The following EIF3A variants were observed in gnomAD, a reference collection of about 807,000 sequenced individuals.
EIF3A encodes EIF3, p180 subunit.
EIF3A carries 21 observed loss-of-function variants against 186.6 expected under a neutral mutation model. The ratio of observed to expected loss-of-function variants is 0.11; its 90% CI spans 0.08 to 0.16. EIF3A has a LOEUF of 0.16. EIF3A is among the 10% of genes least tolerant of loss of function. The probability of loss-of-function intolerance (pLI) is 1.00; values close to 1 mark genes in which losing one functional copy is unlikely to be tolerated. For missense variants in EIF3A, 1,306 were observed against 1,796.3 expected, an observed-to-expected ratio of 0.73 and a Z score of 4.93; for synonymous variants, 563 against 584.3, an observed-to-expected ratio of 0.96 and a Z score of 0.52.
At chr10:119,072,707 G>A (rs1434861484) in intron 4 of EIF3A, among the ~76,000 whole-genome samples, 183 bp downstream of exon 4, 1 of 152,122 alleles carries the variant, frequency 6.6e-6, no homozygotes, top group Non-Finnish European at 1.5e-5. Flanking sequence ...CACCCACCTT[G>A]ACCTCCCAAA....
At chr10:119,061,017 T>C in intron 8 of EIF3A, 173 bp from the exon 9 acceptor site, 1 of 579,626 alleles carries the variant, frequency 1.7e-6, no homozygotes. Context: ...AATGGCTAAA[T>C]TAGTCATGCT....
Position 119,038,361 on chromosome 10 carries a change from T to G in EIF3A, c.3605A>C (p.Glu1202Ala). 3.1e-6 allele frequency: 5 copies of G among 1,614,212 alleles called. No individual in the cohort carries two copies. The highest frequency in any genetic ancestry group is 4.2e-6 in the Non-Finnish European group (5 of 1,180,022). ...GTCCCTTTCTTTTTCTCTGTCCCAT[T>G]CACGTTCTTCTGATGGCCTTGATTC... ...PRESRPSEER[E>A]WDREKERDRD... is the part of the protein sequence containing the mutation. The change falls in exon 20 of 22, where the codon GAA becomes GCA. Residue 1202 changes from glutamate (E) to alanine (A), a missense_variant. By Grantham distance (107) the Glu-to-Ala change is moderately radical. Coordinates refer to ENST00000369144, the MANE Select transcript of EIF3A (RefSeq NM_003750.4).
At chr10:119,077,650 G>T (rs1844199959) in intron 1 of EIF3A, among the ~76,000 whole-genome samples, 1 of 151,476 alleles carries the variant, frequency 6.6e-6, no homozygotes, top group South Asian at 2.1e-4. Flanking sequence ...CACCTCCTGG[G>T]TTCATGCCAT....
rs1351540320 is a variant in EIF3A, at chr10:119,034,728, T to A, written c.*1311A>T. On this transcript the variant is annotated 3_prime_UTR_variant, in exon 22 of 22. Transcript: ENST00000369144. The stretch of plus-strand genomic sequence containing the variant: ...TACAGCCATGATGAATTTGTAACAT[T>A]TTCTCAAATTAACTACGATTTTTCT... 6.6e-6 allele frequency: 1 copy of A among 152,200 alleles called. No homozygotes were observed. Among genetic ancestry groups the A allele is most frequent in the Non-Finnish European group, 1.5e-5 (1 of 68,032 alleles). 9.4% of individuals were successfully genotyped at this position (152,200 alleles called of 1,614,324 possible).
At position 119,080,488 on chromosome 10, in the gene EIF3A, C is replaced by A. The variant is rs970427708; in HGVS notation, c.49+140G>T. On this transcript the variant is annotated intron_variant, in intron 1 of 21. Coordinates refer to ENST00000369144, the MANE Select transcript of EIF3A (RefSeq NM_003750.4). ...AAGGAAACCCATGCCCAACCACCGG[C>A]TGGGACAGCGGCGGGCAGGCCGCAT... 15 of 1,394,556 alleles carry A rather than the reference C, an allele frequency of 1.1e-5. No individual in the cohort carries two copies. In the African/African-American group the frequency reaches 2.1e-4, roughly 20 times the overall value. The allele number at this position is 1,394,556 out of a possible 1,614,324, so 86.4% of individuals were successfully genotyped here.
At position 119,069,494 on chromosome 10, in the gene EIF3A, T is replaced by A. The variant is rs1333195910; in HGVS notation, c.902A>T (p.His301Leu). 2 of 1,583,090 alleles carry A rather than the reference T, an allele frequency of 1.3e-6. No homozygotes were observed. The highest frequency in any genetic ancestry group is 1.7e-6 in the Non-Finnish European group (2 of 1,151,672). Residue 301 changes from histidine to leucine, a missense_variant, in exon 6 of 22, where the codon CAT becomes CTT. Transcript: ENST00000369144. Reference sequence around the variant, plus strand: ...ATTCTTTCTCATTTCTCTAGAGAGATGGTAAAGACGATGGAGTGTAGATGC... The same window carrying A: ...ATTCTTTCTCATTTCTCTAGAGAGAAGGTAAAGACGATGGAGTGTAGATGC... ...FHASTLHRLY[H>L]LSREMRKNLT...
At position 119,076,815 on chromosome 10, in the gene EIF3A, A is replaced by C. The variant is rs143152029; in HGVS notation, c.50-2878T>G. Reference sequence around the variant, plus strand: ...GCCAGGCATGGTGGTGCATGCCTGTAATCCCAAATACTCGGGAGGCTGAGA... The same window carrying C: ...GCCAGGCATGGTGGTGCATGCCTGTCATCCCAAATACTCGGGAGGCTGAGA... On this transcript the variant is annotated intron_variant, in intron 1 of 21. Transcript: ENST00000369144. 3.1e-3 allele frequency among the ~76,000 whole-genome samples: 469 copies of C among 151,900 alleles called. 16 individuals carry two copies. In the East Asian group the frequency reaches 0.066, roughly 22 times the overall value.
At chr10:119,052,399 T>TGTGTGTGTGTGTGTGTGTGTGTGTG (rs1554870363) in intron 14 of EIF3A, among the ~76,000 whole-genome samples, 112 of 149,052 alleles carry the variant, frequency 7.5e-4, no homozygotes, top group East Asian at 2.0e-3. Context: ...TGTGTGTGTG[T>TGTGTGTGTGTGTGTGTGTGTGTGTG]TTTAAGACAG....
At chr10:119,077,677 C>T (rs1844200277) in intron 1 of EIF3A, among the ~76,000 whole-genome samples, 1 of 151,642 alleles carries the variant, frequency 6.6e-6, no homozygotes, top group African/African-American at 2.4e-5. Context: ...GCCTCAGCTT[C>T]CTGAGTAGCT....
At chr10:119,039,978 T>G (rs1019376026) in intron 19 of EIF3A, among the ~76,000 whole-genome samples, 2 of 152,158 alleles carry the variant, frequency 1.3e-5, no homozygotes, top group African/African-American at 4.8e-5. Context: ...TAAAATATAA[T>G]TAGCAAATTA....
intron 19 of EIF3A, among the ~76,000 whole-genome samples, chr10:119,041,720 A>G (rs1469571867): frequency 6.6e-6 from 1 of 152,250 alleles, no homozygotes; most frequent in East Asian, 1.9e-4. Flanking sequence ...TACTGAAAGC[A>G]TGAGTACAGG....
chr10:119,036,182 A>G lies in EIF3A; in HGVS notation c.4006T>C (p.Ser1336Pro). 1 of 1,613,840 alleles carries G rather than the reference A, an allele frequency of 6.2e-7. No homozygotes were observed. The change falls in exon 22 of 22, where the codon TCA becomes CCA. Residue 1336 changes from serine (S) to proline (P), a missense_variant. Coordinates refer to ENST00000369144, the MANE Select transcript of EIF3A (RefSeq NM_003750.4). ...PPRRVPPPAL[S>P]RDRERDRDRE... ...TCTCGGTCTCTTTCTCGGTCTCTTG[A>G]AAGAGCTGGGGGAGGAACTCGACGA...
chr10:119,048,908 C>T (rs563214899), intron 17 of EIF3A, among the ~76,000 whole-genome samples: 6 of 152,156 alleles, frequency 3.9e-5, no homozygotes, highest in Non-Finnish European at 5.9e-5. Flanking sequence ...CTTCGCGATC[C>T]GCACGCCTCG....
intron 18 of EIF3A, among the ~76,000 whole-genome samples, chr10:119,043,004 C>T (rs745546591): frequency 6.6e-6 from 1 of 151,734 alleles, no homozygotes; most frequent in Non-Finnish European, 1.5e-5. Flanking sequence ...AGACATGCGG[C>T]TGGGCACAGT....
chr10:119,044,191 A>G (rs906010424), intron 17 of EIF3A, 49 bp from the exon 18 acceptor site: 1 of 1,200,926 alleles, frequency 8.3e-7, no homozygotes, highest in Non-Finnish European at 1.2e-6. Flanking sequence ...ACCATTTACT[A>G]TTACAACTAC....
At chr10:119,080,481 C>T in intron 1 of EIF3A, 147 bp downstream of exon 1, 1 of 1,390,364 alleles carries the variant, frequency 7.2e-7, no homozygotes, top group Non-Finnish European at 9.3e-7. Flanking sequence ...CCATGCCCAA[C>T]CACCGGCTGG....
intron 4 of EIF3A, among the ~76,000 whole-genome samples, 182 bp downstream of exon 4, chr10:119,072,707 GA>G (rs1844098236): frequency 1.3e-5 from 2 of 152,240 alleles, no homozygotes; most frequent in Admixed American, 1.3e-4. Context: ...CACCCACCTT[GA>G]CCTCCCAAAG....
chr10:119,047,933 T>A (rs150226659), intron 17 of EIF3A, among the ~76,000 whole-genome samples: 1 of 151,880 alleles, frequency 6.6e-6, no homozygotes, highest in Non-Finnish European at 1.5e-5. Flanking sequence ...GAGTGAAAAG[T>A]AAGCAAGCAA....
intron 14 of EIF3A, among the ~76,000 whole-genome samples, chr10:119,052,274 G>C (rs1425755236): frequency 6.6e-6 from 1 of 151,964 alleles, no homozygotes; most frequent in East Asian, 1.9e-4. Flanking sequence ...CACTTACTTT[G>C]CTCATCCATA....
Sources: allele counts gnomAD v4.1 joint callset (sites outside exome capture counted in the v4.1 genomes callset), GRCh38; gene constraint gnomAD v4.1.1; transcripts MANE v1.5; gene names NCBI Gene and HGNC (gene_info 2026-07-23, HGNC 2026-07-21).